The following GUCY2C variants were observed in gnomAD, a reference collection of about 807,000 sequenced individuals.
GUCY2C encodes guanylyl cyclase C.
A neutral mutation model predicts 131.1 loss-of-function variants in GUCY2C; 118 were observed. The ratio of observed to expected loss-of-function variants is 0.90; its 90% CI spans 0.78 to 1.05. GUCY2C has a LOEUF of 1.05. Among genes scored for constraint, GUCY2C ranks in the 50% least tolerant of loss-of-function variants. GUCY2C has a pLI of 0.00. For synonymous variants in GUCY2C, 452 were observed against 457.8 expected, an observed-to-expected ratio of 0.99 and a Z score of 0.16; for missense variants, 1,161 against 1,304.4, an observed-to-expected ratio of 0.89 and a Z score of 1.69.
chr12:14,666,056 A>G (rs1947972845), intron 10 of GUCY2C: 1 of 152,354 alleles, frequency 6.6e-6, no homozygotes, highest in Non-Finnish European at 1.5e-5. Flanking sequence ...TGTGGTGGGA[A>G]GCAGTAGGTT....
intron 15 of GUCY2C, among the ~76,000 whole-genome samples, chr12:14,645,981 G>A (rs1371560628): frequency 3.3e-5 from 5 of 152,092 alleles, no homozygotes; most frequent in South Asian, 4.2e-4. Context: ...GATTACAGGC[G>A]CATGCCACTA....
chr12:14,621,373 A>G (rs1946893612), intron 22 of GUCY2C, among the ~76,000 whole-genome samples, 157 bp from the exon 23 acceptor site: 2 of 152,198 alleles, frequency 1.3e-5, no homozygotes, highest in South Asian at 4.1e-4. Context: ...GATCAGTTCT[A>G]TGCTGATTTC....
chr12:14,675,489 A>C (rs1948214671), intron 7 of GUCY2C, among the ~76,000 whole-genome samples: 1 of 152,216 alleles, frequency 6.6e-6, no homozygotes, highest in Non-Finnish European at 1.5e-5. Flanking sequence ...GCAAAAGAGA[A>C]ACCCAAAAAT....
intron 10 of GUCY2C, among the ~76,000 whole-genome samples, chr12:14,662,902 GCACTAA>G (rs1215359223): frequency 6.6e-6 from 1 of 152,026 alleles, no homozygotes; most frequent in African/African-American, 2.4e-5. Flanking sequence ...AAGAATTGTG[GCACTAA>G]CATCTTCATC....
At chr12:14,695,677 T>C (rs1165673786) in intron 1 of GUCY2C, among the ~76,000 whole-genome samples, 1 of 151,922 alleles carries the variant, frequency 6.6e-6, no homozygotes, top group Non-Finnish European at 1.5e-5. Flanking sequence ...AGAGAAAGAT[T>C]TGGTGTCTAT....
intron 11 of GUCY2C, among the ~76,000 whole-genome samples, chr12:14,658,845 TATA>T (rs1203591658): frequency 1.3e-5 from 2 of 151,008 alleles, no homozygotes; most frequent in African/African-American, 4.9e-5. Context: ...ATTTTAGATA[TATA>T]ATAATAATAA....
In GUCY2C at chr12:14,635,006, T is replaced by C. The variant is rs1027775223; in HGVS notation, c.2157+4856A>G. Among the ~76,000 whole-genome samples, 10 of 152,180 alleles carry C rather than the reference T, an allele frequency of 6.6e-5. No homozygotes were observed. In the South Asian group the frequency reaches 1.0e-3, roughly 16 times the overall value. On this transcript the variant is annotated intron_variant, in intron 19 of 26. Coordinates refer to ENST00000261170, the MANE Select transcript of GUCY2C (RefSeq NM_004963.4). ...ATCTAAAGGAAGAAGTAGATTCCAA[T>C]CTAATAATAGTTGGGGACTTCAACA...
At chr12:14,638,354 T>C (rs1947316565) in intron 19 of GUCY2C, among the ~76,000 whole-genome samples, 1 of 151,980 alleles carries the variant, frequency 6.6e-6, no homozygotes, top group Admixed American at 6.5e-5. Context: ...GATCCACCAA[T>C]CCCCCTGCTG....
intron 12 of GUCY2C, among the ~76,000 whole-genome samples, chr12:14,653,545 G>T (rs532589950): frequency 6.6e-6 from 1 of 152,332 alleles, no homozygotes; most frequent in African/African-American, 2.4e-5. Context: ...CGTGACATTT[G>T]TATGTTGGCA....
rs56346421 is a variant in GUCY2C at position 14,643,692 on chromosome 12, C to T, written c.1812G>A (p.Leu604=). The T allele has an allele frequency of 2.4e-4, 382 of 1,612,294 alleles. No individual in the cohort carries two copies. Among genetic ancestry groups the T allele is most frequent in the Non-Finnish European group, 3.0e-4 (354 of 1,178,710 alleles). The part of the protein sequence containing the change: ...LYDIAKGMSY[L]HSSKTEVHGR... ...CATGGACTTCTGTCTTACTGGAGTG[C>T]AGATATGACATTCCCTGTAATTTTT... The change falls in exon 17 of 27, where the codon CTG becomes CTA. Residue 604 remains leucine (L), a synonymous_variant. Transcript: ENST00000261170.
rs1291865954 is a variant in GUCY2C, at chr12:14,672,892, G to A, written c.1151C>T (p.Thr384Ile). The change falls in exon 9 of 27, where the codon ACC becomes ATC. Residue 384 changes from threonine (T) to isoleucine (I), a missense_variant. By Grantham distance (89) the Thr-to-Ile change is moderately conservative. Coordinates refer to ENST00000261170, the MANE Select transcript of GUCY2C (RefSeq NM_004963.4). Reference sequence around the variant, plus strand: ...ACATACTTTCTTGGTGTCCACAGAGGTATACAGAAGCACCATGGTACTGTC... The same window carrying A: ...ACATACTTTCTTGGTGTCCACAGAGATATACAGAAGCACCATGGTACTGTC... ...DVDSTMVLLY[T>I]SVDTKKYKVL... is the part of the protein sequence containing the mutation. The A allele has an allele frequency of 1.3e-6, 2 of 1,599,846 alleles. No homozygotes were observed. Among genetic ancestry groups the A allele is most frequent in the Admixed American group, 1.7e-5 (1 of 59,966 alleles).
intron 20 of GUCY2C, among the ~76,000 whole-genome samples, chr12:14,626,718 C>T (rs886078827): frequency 3.3e-5 from 5 of 152,094 alleles, no homozygotes; most frequent in Non-Finnish European, 7.4e-5. Context: ...TAGTTGAATA[C>T]TCAGAAAGAC....
At chr12:14,628,575 C>A (rs930554812) in intron 20 of GUCY2C, 71 bp downstream of exon 20, 70 of 829,688 alleles carry the variant, frequency 8.4e-5, no homozygotes, top group Non-Finnish European at 1.5e-5. Context: ...TTCTAAGGTG[C>A]CACTGAATGT....
At chr12:14,621,281 A>C (rs1946891229) in intron 22 of GUCY2C, 65 bp from the exon 23 acceptor site, 1 of 1,355,844 alleles carries the variant, frequency 7.4e-7, no homozygotes, top group African/African-American at 1.4e-5. Context: ...AAACAGAAGC[A>C]GTTAATCACA....
At chr12:14,656,837 G>A (rs1344024541) in intron 11 of GUCY2C, among the ~76,000 whole-genome samples, 3 of 152,134 alleles carry the variant, frequency 2.0e-5, no homozygotes, top group Non-Finnish European at 4.4e-5. Context: ...GGCCCTCAAC[G>A]TTTTTGACAC....
At chr12:14,672,594 G>A (rs1948137449) in intron 9 of GUCY2C, among the ~76,000 whole-genome samples, 1 of 151,978 alleles carries the variant, frequency 6.6e-6, no homozygotes, top group African/African-American at 2.4e-5. Flanking sequence ...TTTATTCTGG[G>A]TGGATATTTA....
intron 5 of GUCY2C, 87 bp downstream of exon 5, chr12:14,681,269 G>T: frequency 8.6e-7 from 1 of 1,164,702 alleles, no homozygotes; most frequent in Non-Finnish European, 1.3e-6. Flanking sequence ...TAGCTCTGCA[G>T]TGGAGGATTT....
At chr12:14,651,020 A>G (rs1220819058) in intron 15 of GUCY2C, among the ~76,000 whole-genome samples, 1 of 152,106 alleles carries the variant, frequency 6.6e-6, no homozygotes, top group Non-Finnish European at 1.5e-5. Flanking sequence ...GTGGAGTAAT[A>G]ATTTGGACAG....
In GUCY2C at chr12:14,675,021, C is replaced by T. The variant is rs12298954; in HGVS notation, c.949-261G>A. Reference sequence around the variant, plus strand: ...GTTCAGGAGTTTGAGACCAGCCTGTCCAACATGCAGAAACCCCATCTCTAT... The same window carrying T: ...GTTCAGGAGTTTGAGACCAGCCTGTTCAACATGCAGAAACCCCATCTCTAT... On this transcript the variant is annotated intron_variant, in intron 7 of 26. Transcript: ENST00000261170. Among the ~76,000 whole-genome samples, 20,120 of 151,516 alleles carry T rather than the reference C, an allele frequency of 0.13. 1,633 individuals carry two copies. The highest frequency in any genetic ancestry group is 0.24 in the Admixed American group (3,643 of 15,218).
Sources: gnomAD v4.1 joint callset for allele counts (sites outside exome capture counted in the v4.1 genomes callset) on GRCh38, gnomAD v4.1.1 for gene constraint, MANE v1.5 for transcripts, NCBI Gene and HGNC (gene_info 2026-07-23, HGNC 2026-07-21) for gene names.